The following ADGRV1 variants were observed in gnomAD, a reference collection of about 807,000 sequenced individuals.
The protein encoded by ADGRV1 is adhesion G protein-coupled receptor V1.
ADGRV1 carries 359 observed loss-of-function variants against 596.2 expected under a neutral mutation model. That is an observed-to-expected ratio of 0.60 (90% CI 0.55 to 0.66). The LOEUF (loss-of-function observed/expected upper bound fraction) is 0.66, where lower values mean the gene tolerates loss of function less well. ADGRV1 is among the 30% of genes least tolerant of loss of function. ADGRV1 has a pLI of 0.00. For synonymous variants in ADGRV1, 2,681 were observed against 2,679.2 expected, an observed-to-expected ratio of 1.00 and a Z score of -0.02; for missense variants, 7,274 against 7,575.6, an observed-to-expected ratio of 0.96 and a Z score of 1.48.
intron 50 of ADGRV1, among the ~76,000 whole-genome samples, chr5:90,736,899 T>TAAA (rs1561629560): frequency 6.6e-6 from 1 of 151,628 alleles, no homozygotes; most frequent in African/African-American, 2.4e-5. Context: ...ACTTTTTCTT[T>TAAA]TAAAAAAAAA....
chr5:90,589,917 G>A (rs1759254047), intron 1 of ADGRV1, among the ~76,000 whole-genome samples: 1 of 152,020 alleles, frequency 6.6e-6, no homozygotes, highest in Non-Finnish European at 1.5e-5. Flanking sequence ...GTTGACCACT[G>A]TTCTTCCAGT....
chr5:90,634,885 G>T (rs1765966768), intron 9 of ADGRV1, among the ~76,000 whole-genome samples: 1 of 152,054 alleles, frequency 6.6e-6, no homozygotes, highest in Non-Finnish European at 1.5e-5. Flanking sequence ...TAAGATAAAG[G>T]GTTTAGGCAG....
At chr5:90,675,903 A>G (rs1773195884) in intron 24 of ADGRV1, among the ~76,000 whole-genome samples, 177 bp from the exon 25 acceptor site, 3 of 152,220 alleles carry the variant, frequency 2.0e-5, no homozygotes, top group African/African-American at 7.2e-5. Context: ...TTTACATTGA[A>G]CATTATTCAT....
Position 90,753,790 on chromosome 5 carries a change from C to T in ADGRV1, c.11338C>T (p.Arg3780Cys), listed in dbSNP as rs201742794. ...NDSPFGLVGW[R>C]AASVFIRVAE... is the part of the protein sequence containing the mutation. Reference sequence around the variant, plus strand: ...CTCACCTTTTGGCTTGGTGGGCTGGCGTGCTGCGTCTGTCTTCATTAGAGT... The same window carrying T: ...CTCACCTTTTGGCTTGGTGGGCTGGTGTGCTGCGTCTGTCTTCATTAGAGT... The change falls in exon 54 of 90, where the codon CGT (arginine) becomes TGT (cysteine). Residue 3780 changes from arginine to cysteine, a missense_variant. This residue lies in a region of ADGRV1 where 3,643 missense variants were observed against 3,809.2 expected (regional missense o/e 0.96). Transcript: ENST00000405460. 135 of 1,611,220 alleles carry T rather than the reference C, an allele frequency of 8.4e-5. No homozygotes were observed. The highest frequency in any genetic ancestry group is 1.5e-4 in the African/African-American group (11 of 74,842).
intron 1 of ADGRV1, among the ~76,000 whole-genome samples, chr5:90,586,887 C>T (rs1758824438): frequency 6.6e-6 from 1 of 152,164 alleles, no homozygotes; most frequent in African/African-American, 2.4e-5. Flanking sequence ...CTCTGTCATT[C>T]TTACCTCATT....
At chr5:90,684,280 T>C in intron 28 of ADGRV1, 85 bp downstream of exon 28, 1 of 1,282,572 alleles carries the variant, frequency 7.8e-7, no homozygotes, top group Non-Finnish European at 1.0e-6. Flanking sequence ...AATAGAAAAT[T>C]CTATAAAAAG....
intron 21 of ADGRV1, among the ~76,000 whole-genome samples, chr5:90,663,510 T>C (rs1037142381): frequency 3.3e-5 from 5 of 151,620 alleles, no homozygotes; most frequent in Non-Finnish European, 5.9e-5. Flanking sequence ...TTCTGGATAT[T>C]AGCCCTTTGT....
At chr5:91,033,505 C>G (rs1292963532) in intron 85 of ADGRV1, among the ~76,000 whole-genome samples, 2 of 152,138 alleles carry the variant, frequency 1.3e-5, no homozygotes, top group Non-Finnish European at 2.9e-5. Context: ...GCCAGTCTCC[C>G]AGGGCAGTGA....
intron 1 of ADGRV1, among the ~76,000 whole-genome samples, chr5:90,559,930 AG>A (rs1754590496): frequency 1.3e-5 from 2 of 152,306 alleles, no homozygotes; most frequent in Admixed American, 1.3e-4. Flanking sequence ...ATGATATCTT[AG>A]GCAGGATACA....
intron 60 of ADGRV1, among the ~76,000 whole-genome samples, chr5:90,775,224 G>A (rs929441669): frequency 1.3e-5 from 2 of 152,118 alleles, no homozygotes; most frequent in Non-Finnish European, 2.9e-5. Context: ...TAATGTCCAA[G>A]GAAATTTTTA....
rs1159515057 is a variant in ADGRV1 at position 91,087,580 on chromosome 5, C to A, written c.18311-14639C>A. Among the ~76,000 whole-genome samples the A allele has an allele frequency of 1.4e-4, 22 of 152,018 alleles. 1 individual carries two copies. The highest frequency in any genetic ancestry group is 1.4e-3 in the Admixed American group (22 of 15,246). ...GCCTCCCGAAGTGAATGTATATAATCATTGAGAGCAGATCCAGATGTAATT... is the reference window on the plus strand; with the variant it reads ...GCCTCCCGAAGTGAATGTATATAATAATTGAGAGCAGATCCAGATGTAATT... On this transcript the variant is annotated intron_variant, in intron 86 of 89. Transcript: ENST00000405460.
rs1050029966 is a variant in ADGRV1, at chr5:90,653,351, T to G, written c.3777T>G (p.Ser1259=). ...LEREVAEDVL[S]EDDMSYITNF... ...GAGAAGTGGCAGAAGATGTCCTGTC[T>G]GAAGATGATATGTCTTATATTACCA... Residue 1259 remains serine, a synonymous_variant, in exon 20 of 90, where the codon TCT becomes TCG. Coordinates refer to ENST00000405460, the MANE Select transcript of ADGRV1 (RefSeq NM_032119.4). The G allele has an allele frequency of 2.5e-6, 4 of 1,613,992 alleles. No individual in the cohort carries two copies. Among genetic ancestry groups the G allele is most frequent in the Non-Finnish European group, 2.5e-6 (3 of 1,179,882 alleles).
At chr5:91,083,834 G>A (rs532357496) in intron 86 of ADGRV1, among the ~76,000 whole-genome samples, 22 of 152,214 alleles carry the variant, frequency 1.4e-4, no homozygotes, top group Non-Finnish European at 2.4e-4. Context: ...TCAGGTGGCT[G>A]AGGTGAGATG....
At chr5:90,685,299 A>G (rs1198128822) in intron 28 of ADGRV1, among the ~76,000 whole-genome samples, 2 of 152,154 alleles carry the variant, frequency 1.3e-5, no homozygotes, top group Non-Finnish European at 2.9e-5. Flanking sequence ...TATAAATAGT[A>G]GGGCTGGGCG....
chr5:91,131,715 T>G (rs1388576940), intron 87 of ADGRV1, among the ~76,000 whole-genome samples: 1 of 152,226 alleles, frequency 6.6e-6, no homozygotes, highest in African/African-American at 2.4e-5. Flanking sequence ...ATGGATAGTT[T>G]GCAAATATTT....
chr5:90,623,745 G>A (rs1764387436), intron 5 of ADGRV1, among the ~76,000 whole-genome samples: 2 of 152,166 alleles, frequency 1.3e-5, no homozygotes, highest in Non-Finnish European at 2.9e-5. Context: ...ACACCAAATG[G>A]ATGGTGTTTG....
chr5:90,682,603 C>G (rs1314901687), intron 27 of ADGRV1, among the ~76,000 whole-genome samples: 1 of 152,168 alleles, frequency 6.6e-6, no homozygotes, highest in Non-Finnish European at 1.5e-5. Flanking sequence ...TCAAACATAT[C>G]CTTCTGTACT....
At chr5:91,098,371 T>G (rs1320655866) in intron 86 of ADGRV1, among the ~76,000 whole-genome samples, 1 of 152,066 alleles carries the variant, frequency 6.6e-6, no homozygotes, top group Non-Finnish European at 1.5e-5. Context: ...AGAGGCAGAT[T>G]AACCATAAAG....
intron 82 of ADGRV1, among the ~76,000 whole-genome samples, chr5:90,861,442 T>C (rs572971497): frequency 1.4e-4 from 21 of 152,214 alleles, no homozygotes; most frequent in Non-Finnish European, 2.2e-4. Context: ...CCCGGGTAGC[T>C]GGGACTACAG....
Sources: allele counts gnomAD v4.1 joint callset (sites outside exome capture counted in the v4.1 genomes callset), GRCh38; gene constraint gnomAD v4.1.1; regional missense constraint gnomAD v4.1.1; transcripts MANE v1.5; gene names NCBI Gene and HGNC (gene_info 2026-07-23, HGNC 2026-07-21).